The following KIAA1217 variants were observed in gnomAD, a reference collection of about 807,000 sequenced individuals.
KIAA1217 encodes the protein sickle tail protein homolog.
A neutral mutation model predicts 163.9 loss-of-function variants in KIAA1217; 88 were observed. That is an observed-to-expected ratio of 0.54 (90% CI 0.45 to 0.64). The LOEUF (loss-of-function observed/expected upper bound fraction) is 0.64. Ranked by LOEUF, KIAA1217 falls within the 30% of genes least tolerant of loss-of-function variation. KIAA1217 has a pLI of 0.00. For synonymous variants in KIAA1217, 903 were observed against 923.1 expected, an observed-to-expected ratio of 0.98 and a Z score of 0.39; for missense variants, 2,372 against 2,475.0, an observed-to-expected ratio of 0.96 and a Z score of 0.88.
chr10:23,868,968 C>T (rs1840322293), intron 1 of KIAA1217, among the ~76,000 whole-genome samples: 1 of 151,994 alleles, frequency 6.6e-6, no homozygotes, highest in Non-Finnish European at 1.5e-5. Flanking sequence ...TTGCTGCAGG[C>T]AGTCTTGTCA....
rs1408493492 is a variant in KIAA1217 at position 23,745,578 on chromosome 10, C to T, written c.-321+50344C>T. ...CACCCAAGTGAGAAAGCTAATGAAC[C>T]GTCTGAGGAGTTTTAGCTGTATATA... On this transcript the variant is annotated intron_variant, in intron 1 of 18. Transcript: ENST00000376462. Among the ~76,000 whole-genome samples, 5 of 152,096 alleles carry T rather than the reference C, an allele frequency of 3.3e-5. No individual in the cohort carries two copies. The South Asian group carries it at 8.3e-4, about 25-fold the overall frequency.
intron 1 of KIAA1217, among the ~76,000 whole-genome samples, chr10:23,901,651 G>A (rs1841958860): frequency 6.6e-6 from 1 of 152,120 alleles, no homozygotes; most frequent in African/African-American, 2.4e-5. Context: ...GCTCATTCTT[G>A]TAGTTCCAGC....
chr10:23,804,114 A>G (rs1439352364), intron 1 of KIAA1217, among the ~76,000 whole-genome samples: 1 of 152,138 alleles, frequency 6.6e-6, no homozygotes, highest in African/African-American at 2.4e-5. Flanking sequence ...TGTTGTTGTT[A>G]TTGTTCTCTT....
intron 2 of KIAA1217, among the ~76,000 whole-genome samples, chr10:24,046,140 T>C (rs1849008495): frequency 6.6e-6 from 1 of 152,108 alleles, no homozygotes; most frequent in South Asian, 2.1e-4. Flanking sequence ...CTTTTAACTG[T>C]TCTAAAGAAC....
chr10:24,366,354 A>G (rs1209679587), intron 2 of KIAA1217, among the ~76,000 whole-genome samples: 1 of 152,152 alleles, frequency 6.6e-6, no homozygotes. Context: ...CTGAGGCAGG[A>G]GAATCGCTTT....
At chr10:24,411,065 G>A (rs188542905) in intron 3 of KIAA1217, among the ~76,000 whole-genome samples, 1 of 152,292 alleles carries the variant, frequency 6.6e-6, no homozygotes, top group Non-Finnish European at 1.5e-5. Context: ...CCTGAAGTCA[G>A]CAAAGATATC....
In KIAA1217 at chr10:24,090,332, C is replaced by CTT. The variant is rs35966270; in HGVS notation, c.-171+82985_-171+82986dup. Among the ~76,000 whole-genome samples the CTT allele has an allele frequency of 3.8e-3, 223 of 58,920 alleles. 46 individuals are homozygous for CTT. The highest frequency in any genetic ancestry group is 0.029 in the Middle Eastern group (2 of 68). The allele number at this position is 58,920 out of a possible 152,430, so 38.7% of individuals were successfully genotyped here. ...CAGGCATGCACCCTCACATCCTGCT[C>CTT]TTTTTTTTTTTTTTTTTTTTTTTTT... On this transcript the variant is annotated intron_variant, in intron 2 of 18. Coordinates refer to the KIAA1217 transcript ENST00000376462.
chr10:23,833,631 T>C (rs1240221231), intron 1 of KIAA1217, among the ~76,000 whole-genome samples: 7 of 152,142 alleles, frequency 4.6e-5, no homozygotes, highest in Non-Finnish European at 1.0e-4. Context: ...CTTCATTTTC[T>C]TGTTTACAGT....
intron 1 of KIAA1217, among the ~76,000 whole-genome samples, chr10:24,212,986 T>TA (rs1412728016): frequency 2.6e-5 from 4 of 152,160 alleles, no homozygotes. Flanking sequence ...TCATGTAACT[T>TA]ACTGTCCAAA....
At chr10:24,119,533 G>A (rs982597984) in intron 2 of KIAA1217, among the ~76,000 whole-genome samples, 1 of 152,154 alleles carries the variant, frequency 6.6e-6, no homozygotes, top group Non-Finnish European at 1.5e-5. Flanking sequence ...TGCACTATTA[G>A]GCTGAGCTAC....
At chr10:23,844,554 A>T (rs996100236) in intron 1 of KIAA1217, among the ~76,000 whole-genome samples, 6 of 151,928 alleles carry the variant, frequency 3.9e-5, no homozygotes, top group Non-Finnish European at 7.4e-5. Context: ...TTCACCAGTT[A>T]CCTTTGTAAG....
intron 1 of KIAA1217, among the ~76,000 whole-genome samples, chr10:23,988,085 C>A (rs1846059712): frequency 6.7e-6 from 1 of 148,448 alleles, no homozygotes; most frequent in Non-Finnish European, 1.5e-5. Flanking sequence ...TCATTCAGAA[C>A]TTTCAACAAA....
chr10:24,115,828 G>A (rs934521086), intron 2 of KIAA1217, among the ~76,000 whole-genome samples: 4 of 152,128 alleles, frequency 2.6e-5, no homozygotes, highest in Admixed American at 1.3e-4. Flanking sequence ...TTTTAAAACC[G>A]GAACAACCCA....
At chr10:24,345,716 AG>A (rs2047648159) in intron 2 of KIAA1217, among the ~76,000 whole-genome samples, 1 of 152,090 alleles carries the variant, frequency 6.6e-6, no homozygotes, top group Non-Finnish European at 1.5e-5. Context: ...CTAGGCTAGG[AG>A]TTGGTGATTT....
rs116844906 is a variant in KIAA1217, at chr10:24,501,406, T to C, written c.1862T>C (p.Met621Thr). 898 of 1,612,072 alleles carry C rather than the reference T, an allele frequency of 5.6e-4. 9 individuals are homozygous for C. The East Asian group carries it at 0.017, about 30-fold the overall frequency. ...AGTPHVSGGK[M>T]LSALESTVPP... is the part of the protein sequence containing the mutation. ...ACGCCCCATGTGTCTGGTGGGAAGA[T>C]GCTCAGTGCTCTGGAGTCCACGGTG... The change falls in exon 9 of 21, where the codon ATG becomes ACG. Residue 621 changes from methionine (M) to threonine (T), a missense_variant. Met to Thr is a moderately conservative substitution (Grantham distance 81). Around this residue, in one of 3 missense-constraint regions of KIAA1217, gnomAD observed 1,431 missense variants for 1,470.3 expected, o/e 0.97. Coordinates refer to ENST00000376454, the MANE Select transcript of KIAA1217 (RefSeq NM_019590.5).
chr10:23,726,405 C>T (rs528431917), intron 1 of KIAA1217, among the ~76,000 whole-genome samples: 9 of 150,268 alleles, frequency 6.0e-5, no homozygotes, highest in East Asian at 1.9e-4. Flanking sequence ...TTTTAGGGTA[C>T]GATGGATTAA....
chr10:24,047,546 A>G (rs1420180902), intron 2 of KIAA1217, among the ~76,000 whole-genome samples: 1 of 152,194 alleles, frequency 6.6e-6, no homozygotes, highest in Non-Finnish European at 1.5e-5. Context: ...TTACATACCT[A>G]CAATTGCTAT....
intron 2 of KIAA1217, among the ~76,000 whole-genome samples, chr10:24,289,272 G>A (rs1014372467): frequency 1.1e-4 from 17 of 152,144 alleles, no homozygotes; most frequent in Admixed American, 6.5e-5. Flanking sequence ...AGGTAAGGAA[G>A]GGGAAGTGGG....
At chr10:24,198,552 T>C (rs1302325183) in intron 2 of KIAA1217, among the ~76,000 whole-genome samples, 1 of 144,926 alleles carries the variant, frequency 6.9e-6, no homozygotes, top group Non-Finnish European at 1.5e-5. Flanking sequence ...GAGGTTGCAG[T>C]GAGCCAAGAT....
Sources: allele counts gnomAD v4.1 joint callset (sites outside exome capture counted in the v4.1 genomes callset), GRCh38; gene constraint gnomAD v4.1.1; regional missense constraint gnomAD v4.1.1; transcripts MANE v1.5; gene names NCBI Gene and HGNC (gene_info 2026-07-23, HGNC 2026-07-21).